EVA1C: variants seen among roughly 807,000 people sequenced by gnomAD.
EVA1C encodes the protein eva-1 homolog C, also known as protein eva-1 homolog C.
In EVA1C, 25 loss-of-function variants were observed where a neutral mutation model predicts 45.4. The ratio of observed to expected loss-of-function variants is 0.55; its 90% CI spans 0.40 to 0.77. The LOEUF (loss-of-function observed/expected upper bound fraction) is 0.77. EVA1C is among the 30% of genes least tolerant of loss of function. The pLI, the probability that EVA1C is intolerant of heterozygous loss-of-function variation, is 0.00. For synonymous variants in EVA1C, 190 were observed against 221.2 expected (o/e 0.86, Z 1.25); for missense variants, 479 against 554.8 (o/e 0.86, Z 1.37).
chr21:32,451,840 C>T (rs1441987130), intron 1 of EVA1C, among the ~76,000 whole-genome samples: 1 of 152,200 alleles, frequency 6.6e-6, no homozygotes, highest in Non-Finnish European at 1.5e-5. Context: ...CACCTTACTC[C>T]AGTATGTCAC....
intron 4 of EVA1C, among the ~76,000 whole-genome samples, chr21:32,472,650 A>G (rs1209298866): frequency 6.6e-6 from 1 of 152,120 alleles, no homozygotes; most frequent in African/African-American, 2.4e-5. Context: ...AAGAAAAAAA[A>G]AAAGGAAAAG....
intron 4 of EVA1C, among the ~76,000 whole-genome samples, chr21:32,490,358 T>C (rs1239584571): frequency 6.6e-6 from 1 of 152,174 alleles, no homozygotes; most frequent in Non-Finnish European, 1.5e-5. Context: ...TTACTTCACT[T>C]AGCATAATGT....
chr21:32,464,901 C>G lies in EVA1C; in HGVS notation c.482-2795C>G, dbSNP rs370672679. 2.3e-3 allele frequency among the ~76,000 whole-genome samples: 356 copies of G among 152,262 alleles called. 3 individuals are homozygous for G. The highest frequency in any genetic ancestry group is 8.4e-3 in the African/African-American group (347 of 41,546). On this transcript the variant is annotated intron_variant, in intron 3 of 7. Coordinates refer to ENST00000300255, the MANE Select transcript of EVA1C (RefSeq NM_058187.5). Reference sequence around the variant, plus strand: ...AGTTTGGAGCTTAGCATCACTGACACCAGGATAAGAAGATCCAGCCAGGTG... The same window carrying G: ...AGTTTGGAGCTTAGCATCACTGACAGCAGGATAAGAAGATCCAGCCAGGTG...
At chr21:32,460,484 G>A (rs1466859158) in intron 3 of EVA1C, among the ~76,000 whole-genome samples, 4 of 152,186 alleles carry the variant, frequency 2.6e-5, no homozygotes, top group Admixed American at 2.6e-4. Context: ...TGAGCATGAT[G>A]AGAGCAGGAA....
rs1006879820 is a variant in EVA1C, at chr21:32,480,353, T to G, written c.634+12505T>G. Reference sequence around the variant, plus strand: ...GGTACATTCATAAAATGAAAGACAATACAACTCTTTAAAATATTGCTTATT... The same window carrying G: ...GGTACATTCATAAAATGAAAGACAAGACAACTCTTTAAAATATTGCTTATT... On this transcript the variant is annotated intron_variant, in intron 4 of 7. Coordinates refer to ENST00000300255, the MANE Select transcript of EVA1C (RefSeq NM_058187.5). Among the ~76,000 whole-genome samples the G allele has an allele frequency of 3.0e-5, 4 of 133,514 alleles. No individual in the cohort carries two copies. The Admixed American group carries it at 3.1e-4, about 10-fold the overall frequency. 87.6% of individuals were successfully genotyped at this position (133,514 alleles called of 152,430 possible).
intron 1 of EVA1C, among the ~76,000 whole-genome samples, chr21:32,418,448 C>T (rs979717472): frequency 6.6e-6 from 1 of 152,104 alleles, no homozygotes; most frequent in Non-Finnish European, 1.5e-5. Flanking sequence ...CTTTGGTCTC[C>T]CAGGTGCTTT....
At chr21:32,500,051 T>A (rs1256646521) in intron 5 of EVA1C, among the ~76,000 whole-genome samples, 5 of 152,130 alleles carry the variant, frequency 3.3e-5, no homozygotes, top group Admixed American at 3.3e-4. Flanking sequence ...AGATTTACGA[T>A]GGAAACACAG....
chr21:32,453,569 T>G, intron 2 of EVA1C, 61 bp downstream of exon 2: 1 of 1,217,182 alleles, frequency 8.2e-7, no homozygotes, highest in South Asian at 1.4e-5. Flanking sequence ...TTTCTCTCTC[T>G]CTGGGTATAA....
intron 4 of EVA1C, among the ~76,000 whole-genome samples, chr21:32,475,361 C>T (rs1337431868): frequency 6.6e-6 from 1 of 151,372 alleles, no homozygotes; most frequent in African/African-American, 2.4e-5. Context: ...TCATCATCAT[C>T]ATCATCATTT....
At chr21:32,479,781 A>G (rs556760847) in intron 4 of EVA1C, among the ~76,000 whole-genome samples, 12 of 151,856 alleles carry the variant, frequency 7.9e-5, no homozygotes, top group Admixed American at 7.9e-4. Flanking sequence ...TGAGACCCCT[A>G]TATCTACAAA....
At chr21:32,415,676 G>C (rs1355062972) in intron 1 of EVA1C, among the ~76,000 whole-genome samples, 1 of 151,924 alleles carries the variant, frequency 6.6e-6, no homozygotes, top group Non-Finnish European at 1.5e-5. Context: ...GTCCATGCTC[G>C]TGACTTGTTC....
intron 5 of EVA1C, among the ~76,000 whole-genome samples, chr21:32,495,572 T>C (rs1479481952): frequency 2.0e-5 from 3 of 152,218 alleles, no homozygotes; most frequent in Non-Finnish European, 4.4e-5. Flanking sequence ...GTTCTGCTTT[T>C]AGGCCCTAAA....
chr21:32,419,327 T>G (rs1413352539), intron 1 of EVA1C, among the ~76,000 whole-genome samples: 1 of 152,174 alleles, frequency 6.6e-6, no homozygotes. Flanking sequence ...TACCCACCCC[T>G]ATTGCCTGAC....
intron 2 of EVA1C, among the ~76,000 whole-genome samples, chr21:32,457,351 T>C (rs1424420346): frequency 2.6e-5 from 4 of 152,192 alleles, no homozygotes; most frequent in Non-Finnish European, 5.9e-5. Context: ...GCACCAGTAG[T>C]GGTGGATCAG....
chr21:32,437,974 GC>G (rs2146194123), intron 1 of EVA1C, among the ~76,000 whole-genome samples: 1 of 152,234 alleles, frequency 6.6e-6, no homozygotes, highest in East Asian at 1.9e-4. Context: ...ACACCGCACG[GC>G]CCCCGGTCTT....
rs759639690 is a variant in EVA1C, at chr21:32,413,058, G to T, written c.160+45G>T. The T allele has an allele frequency of 1.8e-5, 24 of 1,324,212 alleles. No individual in the cohort carries two copies. In the South Asian group the frequency reaches 4.9e-4, roughly 27 times the overall value. 82.0% of individuals were successfully genotyped at this position (1,324,212 alleles called of 1,614,324 possible). A position where few individuals can be genotyped will look rare whatever the true frequency, so the allele number is the denominator to read the frequency against. On this transcript the variant is annotated intron_variant, in intron 1 of 7. Coordinates refer to ENST00000300255, the MANE Select transcript of EVA1C (RefSeq NM_058187.5). ...CTGTGTGCCCCCGGCACCGCGGAGC[G>T]CCCAGGTGAACCCTCGACTGGGGGC...
intron 4 of EVA1C, among the ~76,000 whole-genome samples, chr21:32,486,429 C>CTGTT (rs1207153509): frequency 6.6e-6 from 1 of 152,136 alleles, no homozygotes; most frequent in Non-Finnish European, 1.5e-5. Flanking sequence ...CCGGCCCTTA[C>CTGTT]TGTTGTTCTT....
intron 3 of EVA1C, among the ~76,000 whole-genome samples, chr21:32,466,147 G>A (rs746515785): frequency 1.3e-5 from 2 of 152,150 alleles, no homozygotes; most frequent in African/African-American, 2.4e-5. Context: ...TTGGCCGGGC[G>A]CTTTGGCTCA....
intron 7 of EVA1C, among the ~76,000 whole-genome samples, 155 bp from the exon 8 acceptor site, chr21:32,514,659 A>G (rs1435693861): frequency 1.3e-5 from 2 of 152,010 alleles, no homozygotes; most frequent in African/African-American, 4.8e-5. Context: ...GTCAGTGGGG[A>G]TATATGATTA....
Sources: gnomAD v4.1 joint callset for allele counts (sites outside exome capture counted in the v4.1 genomes callset) on GRCh38, gnomAD v4.1.1 for gene constraint, MANE v1.5 for transcripts, NCBI Gene and HGNC (gene_info 2026-07-23, HGNC 2026-07-21) for gene names.